Variants in ABI1 observed in about 807,000 individuals in gnomAD.
ABI1 encodes the protein abl interactor 1.
In ABI1, 14 loss-of-function variants were observed where a neutral mutation model predicts 54.6. The ratio of observed to expected loss-of-function variants is 0.26; its 90% CI spans 0.17 to 0.40. ABI1 has a LOEUF of 0.40. Ranked by LOEUF, ABI1 falls within the 10% of genes least tolerant of loss-of-function variation. The pLI is 1.00. For synonymous variants in ABI1, 194 were observed against 209.3 expected, an observed-to-expected ratio of 0.93 and a Z score of 0.63; for missense variants, 443 against 598.3, an observed-to-expected ratio of 0.74 and a Z score of 2.71.
chr10:26,807,079 G>C (rs1381313815), intron 2 of ABI1, among the ~76,000 whole-genome samples: 1 of 152,158 alleles, frequency 6.6e-6, no homozygotes, highest in Non-Finnish European at 1.5e-5. Flanking sequence ...ATACCTTACA[G>C]AAACTCTAGA....
chr10:26,810,204 C>G (rs779298394), intron 2 of ABI1, among the ~76,000 whole-genome samples: 1 of 152,084 alleles, frequency 6.6e-6, no homozygotes, highest in Non-Finnish European at 1.5e-5. Context: ...CTGCAGTACC[C>G]CACTGGTGTC....
intron 2 of ABI1, among the ~76,000 whole-genome samples, chr10:26,802,870 G>A (rs1588923260): frequency 6.6e-6 from 1 of 152,176 alleles, no homozygotes; most frequent in Non-Finnish European, 1.5e-5. Context: ...TTCTACACTA[G>A]CTGAACTGTG....
intron 2 of ABI1, among the ~76,000 whole-genome samples, chr10:26,788,123 G>A (rs1236755149): frequency 6.6e-6 from 1 of 152,168 alleles, no homozygotes; most frequent in East Asian, 1.9e-4. Context: ...TCTCGTGGTA[G>A]TGAATAAGTC....
Position 26,820,970 on chromosome 10 carries a change from T to C in ABI1, c.285+2168A>G, listed in dbSNP as rs1327649547. ...ATAAAGTATAAAATAAGGCTGGGTGTGGTGGCTCACACCTGCGATCCTAGC... is the reference window on the plus strand; with the variant it reads ...ATAAAGTATAAAATAAGGCTGGGTGCGGTGGCTCACACCTGCGATCCTAGC... On this transcript the variant is annotated intron_variant, in intron 2 of 10. Coordinates refer to ENST00000376140, the MANE Select transcript of ABI1 (RefSeq NM_001012750.3). Among the ~76,000 whole-genome samples the C allele has an allele frequency of 2.7e-5, 4 of 148,960 alleles. No homozygotes were observed. In the East Asian group the frequency reaches 7.9e-4, roughly 29 times the overall value.
At chr10:26,835,756 G>GA (rs1245270432) in intron 1 of ABI1, among the ~76,000 whole-genome samples, 1 of 148,546 alleles carries the variant, frequency 6.7e-6, no homozygotes, top group Non-Finnish European at 1.5e-5. Context: ...TACTTGAAGG[G>GA]AAAAAAATAT....
At chr10:26,766,999 T>A (rs1840045846) in intron 6 of ABI1, among the ~76,000 whole-genome samples, 1 of 152,120 alleles carries the variant, frequency 6.6e-6, no homozygotes, top group Non-Finnish European at 1.5e-5. Context: ...GGCCCACGAA[T>A]CCTAAAATAT....
At chr10:26,834,934 C>T (rs913599312) in intron 1 of ABI1, among the ~76,000 whole-genome samples, 3 of 151,916 alleles carry the variant, frequency 2.0e-5, no homozygotes. Flanking sequence ...GAAATCCCAT[C>T]TCTACTAAAA....
At position 26,858,537 on chromosome 10, in the gene ABI1, GAAAAAAAAAAAA is replaced by G. The variant is rs60132421; in HGVS notation, c.117+2198_117+2209del. Among the ~76,000 whole-genome samples the G allele has an allele frequency of 0.018, 1,703 of 94,378 alleles. 106 individuals are homozygous for G. In the South Asian group the frequency reaches 0.21, roughly 12 times the overall value. 61.9% of individuals were successfully genotyped at this position (94,378 alleles called of 152,430 possible). On this transcript the variant is annotated intron_variant, in intron 1 of 10. Transcript: ENST00000376140. ...ACCCCACCCCGCCCCCACAAAAAAAGAAAAAAAAAAAAAAAAAAAAAAAAAACGGGGCCACTG... is the reference window on the plus strand; with the variant it reads ...ACCCCACCCCGCCCCCACAAAAAAAGAAAAAAAAAAAAAACGGGGCCACTG...
chr10:26,765,519 T>C (rs1362242351), intron 6 of ABI1, among the ~76,000 whole-genome samples: 1 of 152,014 alleles, frequency 6.6e-6, no homozygotes, highest in Non-Finnish European at 1.5e-5. Context: ...ACAGAACCAG[T>C]GGACATGAAA....
intron 5 of ABI1, among the ~76,000 whole-genome samples, chr10:26,769,945 C>T (rs1191369240): frequency 6.6e-6 from 1 of 152,176 alleles, no homozygotes; most frequent in Non-Finnish European, 1.5e-5. Context: ...ATACTCTAAT[C>T]ATTCCATTTA....
At chr10:26,785,334 G>A (rs983167702) in intron 2 of ABI1, among the ~76,000 whole-genome samples, 4 of 152,178 alleles carry the variant, frequency 2.6e-5, no homozygotes, top group African/African-American at 7.2e-5. Flanking sequence ...TGCTACATAT[G>A]TTTGTATTAT....
At chr10:26,765,068 ATAT>A (rs1839753412) in intron 7 of ABI1, 147 bp downstream of exon 7, 2 of 607,830 alleles carry the variant, frequency 3.3e-6, no homozygotes, top group Admixed American at 3.6e-5. Context: ...CAATCTAAAA[ATAT>A]TGTTAACTTT....
At chr10:26,759,304 G>C in intron 7 of ABI1, 66 bp from the exon 8 acceptor site, 2 of 1,402,094 alleles carry the variant, frequency 1.4e-6, no homozygotes, top group Non-Finnish European at 1.9e-6. Flanking sequence ...TTAGATGGCA[G>C]AACAAAGCAG....
At chr10:26,755,623 A>G in intron 9 of ABI1, 32 bp downstream of exon 9, 2 of 1,542,592 alleles carry the variant, frequency 1.3e-6, no homozygotes, top group Non-Finnish European at 9.0e-7. Flanking sequence ...GACAGCCTCT[A>G]CTCTTCCATA....
chr10:26,858,553 A>G (rs12218730), intron 1 of ABI1, among the ~76,000 whole-genome samples: 10 of 144,954 alleles, frequency 6.9e-5, no homozygotes, highest in Non-Finnish European at 1.4e-4. Context: ...AAAAAAAAAA[A>G]AAAAAAAAAA....
intron 1 of ABI1, among the ~76,000 whole-genome samples, chr10:26,855,976 A>C (rs1226423500): frequency 3.8e-5 from 4 of 106,590 alleles, no homozygotes; most frequent in African/African-American, 1.9e-4. Context: ...ATCTCAAAAA[A>C]AAAAAAAAAA....
intron 2 of ABI1, among the ~76,000 whole-genome samples, chr10:26,788,249 C>T (rs1248807760): frequency 6.6e-6 from 1 of 152,188 alleles, no homozygotes; most frequent in Non-Finnish European, 1.5e-5. Context: ...TAGGCCTCCC[C>T]AGCCATGTGG....
chr10:26,808,552 T>C (rs12243481), intron 2 of ABI1, among the ~76,000 whole-genome samples: 31,794 of 151,756 alleles, frequency 0.21, 3,498 homozygotes, highest in African/African-American at 0.29. Flanking sequence ...TGAGACCCCA[T>C]TTCTGCAAAA....
At chr10:26,853,529 CTTTTTTT>C (rs535088026) in intron 1 of ABI1, among the ~76,000 whole-genome samples, 1 of 130,850 alleles carries the variant, frequency 7.6e-6, no homozygotes, top group African/African-American at 2.9e-5. Context: ...TTTTACCTTA[CTTTTTTT>C]TTTTTTTTTT....
Sources: allele counts gnomAD v4.1 joint callset (sites outside exome capture counted in the v4.1 genomes callset), GRCh38; gene constraint gnomAD v4.1.1; transcripts MANE v1.5; gene names NCBI Gene and HGNC (gene_info 2026-07-23, HGNC 2026-07-21).